The following FLACC1 variants were observed in gnomAD, a reference collection of about 807,000 sequenced individuals.
FLACC1 encodes flagellum-associated coiled-coil domain-containing protein 1.
A neutral mutation model predicts 62.8 loss-of-function variants in FLACC1; 66 were observed. That is an observed-to-expected ratio of 1.05 (90% confidence interval 0.86 to 1.29). FLACC1 has a LOEUF of 1.29. Ranked by LOEUF, FLACC1 falls within the 50% of genes most tolerant of loss-of-function variation. The pLI, the probability that FLACC1 is intolerant of heterozygous loss-of-function variation, is 0.00. For missense variants in FLACC1, 452 were observed against 489.1 expected, an observed-to-expected ratio of 0.92 and a Z score of 0.71; for synonymous variants, 156 against 161.0, an observed-to-expected ratio of 0.97 and a Z score of 0.24.
At chr2:201,310,931 A>G (rs1326622647) in intron 9 of FLACC1, among the ~76,000 whole-genome samples, 5 of 152,140 alleles carry the variant, frequency 3.3e-5, no homozygotes, top group Non-Finnish European at 7.4e-5. Flanking sequence ...GATCCAAATA[A>G]GCACATTTAG....
At chr2:201,349,227 C>T (rs1950977264) in intron 3 of FLACC1, among the ~76,000 whole-genome samples, 1 of 152,208 alleles carries the variant, frequency 6.6e-6, no homozygotes, top group African/African-American at 2.4e-5. Context: ...GCCACACTGG[C>T]TTCTGCCTTC....
At chr2:201,335,624 T>C (rs201274067) in intron 7 of FLACC1, among the ~76,000 whole-genome samples, 1 of 152,278 alleles carries the variant, frequency 6.6e-6, no homozygotes, top group South Asian at 2.1e-4. Context: ...TTTAGCTTTG[T>C]TATTTTTGCT....
intron 9 of FLACC1, among the ~76,000 whole-genome samples, chr2:201,329,522 GC>G (rs1483703794): frequency 4.6e-5 from 7 of 152,110 alleles, no homozygotes; most frequent in African/African-American, 1.7e-4. Flanking sequence ...ATTCACAATA[GC>G]AAAGACATGG....
At chr2:201,292,837 C>A (rs1228363060) in intron 12 of FLACC1, among the ~76,000 whole-genome samples, 1 of 151,906 alleles carries the variant, frequency 6.6e-6, no homozygotes, top group African/African-American at 2.4e-5. Flanking sequence ...ATCTACCAAG[C>A]AAATGGAAAA....
chr2:201,294,091 G>A (rs1258807934), intron 12 of FLACC1, among the ~76,000 whole-genome samples: 1 of 152,140 alleles, frequency 6.6e-6, no homozygotes, highest in Non-Finnish European at 1.5e-5. Context: ...TCTACCAGAG[G>A]TACAAGGAGG....
intron 12 of FLACC1, among the ~76,000 whole-genome samples, chr2:201,291,098 G>A (rs7573297): frequency 0.021 from 3,148 of 152,274 alleles, 114 homozygotes; most frequent in African/African-American, 0.071. Context: ...CTCCACCTCT[G>A]GGGGCAGGCA....
chr2:201,302,489 T>C (rs1950006481), intron 11 of FLACC1, among the ~76,000 whole-genome samples: 1 of 152,126 alleles, frequency 6.6e-6, no homozygotes, highest in South Asian at 2.1e-4. Context: ...ATGGGAGACT[T>C]TAATACCCCA....
chr2:201,355,608 C>G (rs1383018095), intron 1 of FLACC1, among the ~76,000 whole-genome samples: 1 of 151,786 alleles, frequency 6.6e-6, no homozygotes, highest in Non-Finnish European at 1.5e-5. Flanking sequence ...GTCTGTAATC[C>G]CAACACTTTG....
intron 11 of FLACC1, among the ~76,000 whole-genome samples, chr2:201,306,556 G>C (rs921478808): frequency 2.6e-5 from 4 of 151,984 alleles, no homozygotes; most frequent in Non-Finnish European, 5.9e-5. Context: ...ATAGATCAGA[G>C]AATCATAGAA....
chr2:201,342,271 T>A (rs560203280), intron 7 of FLACC1, 99 bp downstream of exon 7: 14 of 1,067,012 alleles, frequency 1.3e-5, no homozygotes, highest in Non-Finnish European at 1.9e-5. Flanking sequence ...CCCAACTCCA[T>A]TTAGAACTAT....
chr2:201,359,230 T>A (rs1034652600), upstream of FLACC1, among the ~76,000 whole-genome samples: 1 of 152,144 alleles, frequency 6.6e-6, no homozygotes, highest in African/African-American at 2.4e-5. Context: ...TTTATTGAGA[T>A]AGGAAAGTGT....
chr2:201,293,171 C>A (rs922389902), intron 12 of FLACC1, among the ~76,000 whole-genome samples: 1 of 152,108 alleles, frequency 6.6e-6, no homozygotes, highest in Non-Finnish European at 1.5e-5. Flanking sequence ...ACCAAGCAGA[C>A]CTAATAGACA....
chr2:201,310,521 C>T lies in FLACC1; in HGVS notation c.676-1271G>A, dbSNP rs552488673. ...AAGGCTTGAGGCTTCAGTCCTTTCC[C>T]GCCCCACTAGCCATCTCTTAACTCT... On this transcript the variant is annotated intron_variant, in intron 9 of 14. Transcript: ENST00000392257. 3.3e-5 allele frequency among the ~76,000 whole-genome samples: 5 copies of T among 152,198 alleles called. No homozygotes were observed. In the South Asian group the frequency reaches 6.2e-4, roughly 19 times the overall value.
intron 9 of FLACC1, among the ~76,000 whole-genome samples, chr2:201,317,961 T>C (rs1364355675): frequency 6.6e-6 from 1 of 152,172 alleles, no homozygotes; most frequent in Non-Finnish European, 1.5e-5. Context: ...AGCCAACTGA[T>C]CTTTGACTAA....
chr2:201,298,314 C>T (rs1333514393), intron 12 of FLACC1, among the ~76,000 whole-genome samples: 2 of 152,138 alleles, frequency 1.3e-5, no homozygotes, highest in African/African-American at 4.8e-5. Context: ...TTCCAGGCAA[C>T]TTAACTGCAT....
intron 11 of FLACC1, 37 bp from the exon 12 acceptor site, chr2:201,299,337 G>A: frequency 6.4e-7 from 1 of 1,566,650 alleles, no homozygotes; most frequent in Non-Finnish European, 8.8e-7. Flanking sequence ...TTAGCACTGT[G>A]GTTCTGGCAC....
At chr2:201,342,028 A>T (rs904236069) in intron 7 of FLACC1, among the ~76,000 whole-genome samples, 1 of 152,224 alleles carries the variant, frequency 6.6e-6, no homozygotes, top group African/African-American at 2.4e-5. Flanking sequence ...GAGATGGTGG[A>T]GGAGGAGCCT....
intron 5 of FLACC1, 39 bp from the exon 6 acceptor site, chr2:201,344,302 A>G: frequency 6.5e-7 from 1 of 1,540,024 alleles, no homozygotes; most frequent in Non-Finnish European, 9.0e-7. Context: ...CACAAAGCTT[A>G]CCATTCCATG....
intron 1 of FLACC1, among the ~76,000 whole-genome samples, chr2:201,355,325 A>G (rs536509611): frequency 7.9e-5 from 12 of 152,202 alleles, no homozygotes; most frequent in African/African-American, 2.6e-4. Context: ...AACAAAGAGA[A>G]AAGAGATTCA....
Sources: allele counts gnomAD v4.1 joint callset (sites outside exome capture counted in the v4.1 genomes callset), GRCh38; gene constraint gnomAD v4.1.1; transcripts MANE v1.5; gene names NCBI Gene and HGNC (gene_info 2026-07-23, HGNC 2026-07-21).